The following DNAAF4 variants were observed in gnomAD, a reference collection of about 807,000 sequenced individuals.
DNAAF4 encodes the protein dynein axonemal assembly factor 4.
DNAAF4 carries 43 observed loss-of-function variants against 51.8 expected under a neutral mutation model. The ratio of observed to expected loss-of-function variants is 0.83; its 90% CI spans 0.65 to 1.07. DNAAF4 has a LOEUF of 1.07. DNAAF4 is among the 50% of genes least tolerant of loss of function. DNAAF4 has a pLI of 0.00. For missense variants in DNAAF4, 581 were observed against 493.0 expected (o/e 1.18, Z -1.69); for synonymous variants, 194 against 165.6 (o/e 1.17, Z -1.32).
At chr15:55,463,209 CACAA>C (rs2058120216) in intron 5 of DNAAF4, among the ~76,000 whole-genome samples, 1 of 151,164 alleles carries the variant, frequency 6.6e-6, no homozygotes, top group East Asian at 1.9e-4. Flanking sequence ...CACACACACA[CACAA>C]AGCATTTGAC....
At chr15:55,457,329 C>A (rs561830335) in intron 5 of DNAAF4, among the ~76,000 whole-genome samples, 1 of 152,188 alleles carries the variant, frequency 6.6e-6, no homozygotes, top group South Asian at 2.1e-4. Context: ...CAGAGGCAGC[C>A]ATAATGCCCC....
chr15:55,423,676 A>G (rs1182336207), intron 7 of DNAAF4, among the ~76,000 whole-genome samples: 1 of 152,202 alleles, frequency 6.6e-6, no homozygotes, highest in Non-Finnish European at 1.5e-5. Context: ...AAGTAAAGCC[A>G]GCGCGGTGGC....
intron 6 of DNAAF4, among the ~76,000 whole-genome samples, chr15:55,449,191 T>C (rs1407707319): frequency 6.7e-6 from 1 of 150,088 alleles, no homozygotes; most frequent in Admixed American, 6.6e-5. Context: ...GGTTTCACCA[T>C]GTTGGCCAGG....
chr15:55,448,872 A>C (rs1274023661), intron 6 of DNAAF4, among the ~76,000 whole-genome samples: 1 of 151,496 alleles, frequency 6.6e-6, no homozygotes, highest in East Asian at 1.9e-4. Context: ...TCCATCCCAC[A>C]AAATAATAAT....
intron 6 of DNAAF4, among the ~76,000 whole-genome samples, chr15:55,446,069 G>GAT (rs2057801486): frequency 1.4e-5 from 2 of 141,360 alleles, no homozygotes; most frequent in Non-Finnish European, 1.5e-5. Flanking sequence ...CTTCCCAGAT[G>GAT]GGGTGGCGGC....
chr15:55,470,716 T>A (rs1476392373), intron 4 of DNAAF4, among the ~76,000 whole-genome samples: 1 of 27,582 alleles, frequency 3.6e-5, no homozygotes, highest in African/African-American at 7.8e-5. Context: ...ATTTTTTATG[T>A]TATTTTTTTG....
rs765886556 is a variant in DNAAF4 at position 55,491,141 on chromosome 15, T to G, written c.387A>C (p.Ala129=). The G allele has an allele frequency of 6.2e-7, 1 of 1,614,116 alleles. No homozygotes were observed. Among genetic ancestry groups the G allele is most frequent in the Non-Finnish European group, 8.5e-7 (1 of 1,180,010 alleles). The change falls in exon 4 of 10, where the codon GCA becomes GCC. Residue 129 remains alanine (A), a synonymous_variant. Coordinates refer to ENST00000321149, the MANE Select transcript of DNAAF4 (RefSeq NM_130810.4). ...AAAKREDQKY[A]LSVMMKIEEE... Reference sequence around the variant, plus strand: ...AACTTACCTTCATCATGACACTTAGTGCGTATTTTTGATCTTCCCGCTTTG... The same window carrying G: ...AACTTACCTTCATCATGACACTTAGGGCGTATTTTTGATCTTCCCGCTTTG...
chr15:55,459,843 A>G (rs2058069471), intron 5 of DNAAF4, among the ~76,000 whole-genome samples: 1 of 151,912 alleles, frequency 6.6e-6, no homozygotes, highest in African/African-American at 2.4e-5. Context: ...AGCTGGGACT[A>G]CAGGCACGCG....
intron 5 of DNAAF4, among the ~76,000 whole-genome samples, chr15:55,456,236 C>T (rs1311979234): frequency 6.6e-6 from 1 of 152,018 alleles, no homozygotes; most frequent in Non-Finnish European, 1.5e-5. Context: ...GCACCCACCA[C>T]CACGTCCGGC....
At chr15:55,457,989 G>A (rs964074586) in intron 5 of DNAAF4, among the ~76,000 whole-genome samples, 4 of 152,154 alleles carry the variant, frequency 2.6e-5, no homozygotes, top group African/African-American at 9.7e-5. Flanking sequence ...GTGGCAGGGG[G>A]AGGGCACCAC....
intron 6 of DNAAF4, chr15:55,442,918 C>T: frequency 1.2e-6 from 2 of 1,611,826 alleles, no homozygotes; most frequent in East Asian, 2.2e-5. Context: ...TCCAGGTGGT[C>T]CTTCTAGGTA....
In DNAAF4 at chr15:55,451,196, C is replaced by T. The variant is rs1394343194; in HGVS notation, c.638-829G>A. On this transcript the variant is annotated intron_variant, in intron 5 of 9. Transcript: ENST00000321149. ...GCGCTCTTAGACTCAAAGATGAAAG[C>T]CAAATAATGTGATAACAGAGGTGAT... Among the ~76,000 whole-genome samples the T allele has an allele frequency of 3.9e-5, 6 of 152,154 alleles. No homozygotes were observed. In the South Asian group the frequency reaches 1.0e-3, roughly 26 times the overall value.
At chr15:55,428,484 CTTTTTTTTT>C (rs747325376), downstream of DNAAF4, among the ~76,000 whole-genome samples, 97 of 85,068 alleles carry the variant, frequency 1.1e-3, 1 homozygote, top group African/African-American at 3.8e-3. Context: ...TCTTTTTTTT[CTTTTTTTTT>C]TTTTTTTTTT....
intron 4 of DNAAF4, among the ~76,000 whole-genome samples, chr15:55,486,804 T>C (rs980385296): frequency 2.0e-5 from 3 of 152,026 alleles, no homozygotes; most frequent in African/African-American, 7.2e-5. Flanking sequence ...TATTTTTAAT[T>C]AGCAAAAATG....
chr15:55,485,994 C>CAAAAA (rs55936805), intron 4 of DNAAF4, among the ~76,000 whole-genome samples: 2 of 77,702 alleles, frequency 2.6e-5, no homozygotes, highest in Non-Finnish European at 5.0e-5. Flanking sequence ...GACTCCATCT[C>CAAAAA]AAAAAAAAAA....
chr15:55,470,556 T>G (rs2141519715), intron 4 of DNAAF4, among the ~76,000 whole-genome samples: 1 of 151,848 alleles, frequency 6.6e-6, no homozygotes, highest in Non-Finnish European at 1.5e-5. Context: ...TTTTTTTTTT[T>G]TTTTAGACAG....
rs374627691 is a variant in DNAAF4, at chr15:55,473,750, G to A, written c.406-6589C>T. ...TCACACCTGTAATCCCAGCACTTTG[G>A]GAGGCCGAGGGAGGTGGATCACCTG... On this transcript the variant is annotated intron_variant, in intron 4 of 9. Transcript: ENST00000321149. Among the ~76,000 whole-genome samples, 4 of 152,230 alleles carry A rather than the reference G, an allele frequency of 2.6e-5. No individual in the cohort carries two copies. The South Asian group carries it at 6.2e-4, about 24-fold the overall frequency.
At chr15:55,442,439 G>T (rs188126876) in intron 6 of DNAAF4, among the ~76,000 whole-genome samples, 4 of 152,280 alleles carry the variant, frequency 2.6e-5, no homozygotes, top group African/African-American at 7.2e-5. Context: ...CGAAATGCTC[G>T]CAGGAAGTGT....
chr15:55,452,065 G>A (rs900422231), intron 5 of DNAAF4, among the ~76,000 whole-genome samples: 1 of 151,720 alleles, frequency 6.6e-6, no homozygotes, highest in Non-Finnish European at 1.5e-5. Context: ...TGGCCAACAT[G>A]GTGAAACCTC....
Sources: allele counts gnomAD v4.1 joint callset (sites outside exome capture counted in the v4.1 genomes callset), GRCh38; gene constraint gnomAD v4.1.1; transcripts MANE v1.5; gene names NCBI Gene and HGNC (gene_info 2026-07-23, HGNC 2026-07-21).